Variants in SLC4A5 observed in about 807,000 individuals in gnomAD.
SLC4A5 encodes the protein electrogenic sodium bicarbonate cotransporter 4.
Under a neutral mutation model 120.4 loss-of-function variants are expected in SLC4A5, and 96 were observed. The observed-to-expected ratio is 0.80, with a 90% CI of 0.68 to 0.94. The LOEUF (loss-of-function observed/expected upper bound fraction) is 0.94. Ranked by LOEUF, SLC4A5 falls within the 40% of genes least tolerant of loss-of-function variation. SLC4A5 has a pLI of 0.00. For missense variants in SLC4A5, 1,259 were observed against 1,459.5 expected (o/e 0.86, Z 2.24); for synonymous variants, 550 against 571.1 (o/e 0.96, Z 0.53).
intron 19 of SLC4A5, among the ~76,000 whole-genome samples, chr2:74,245,636 AAAAG>A (rs1670586920): frequency 6.6e-6 from 1 of 152,228 alleles, no homozygotes; most frequent in South Asian, 2.1e-4. Context: ...ATGACAGAAA[AAAAG>A]AAAGAAAAAA....
chr2:74,250,481 C>A, exon 17 of SLC4A5: 1 of 1,614,232 alleles, frequency 6.2e-7, no homozygotes, highest in Non-Finnish European at 8.5e-7. Context: ...ACCAGGGCAA[C>A]TTCCTCTTGA....
intron 4 of SLC4A5, among the ~76,000 whole-genome samples, chr2:74,332,191 T>C (rs1295590523): frequency 1.3e-5 from 2 of 152,178 alleles, no homozygotes. Flanking sequence ...CAAGTCTCAT[T>C]CTCAAAGTCC....
intron 20 of SLC4A5, among the ~76,000 whole-genome samples, chr2:74,240,853 A>G (rs1178028166): frequency 2.0e-5 from 3 of 152,196 alleles, no homozygotes; most frequent in African/African-American, 7.2e-5. Flanking sequence ...TCAATTGCCT[A>G]GGCAGGAATA....
At chr2:74,296,769 G>A (rs566378152) in intron 7 of SLC4A5, among the ~76,000 whole-genome samples, 15 of 146,280 alleles carry the variant, frequency 1.0e-4, no homozygotes, top group Non-Finnish European at 1.5e-4. Flanking sequence ...CTTGGGTGAC[G>A]GAGCAAGACT....
At chr2:74,307,807 G>A (rs1306436162) in intron 6 of SLC4A5, 4 of 365,076 alleles carry the variant, frequency 1.1e-5, no homozygotes, top group Non-Finnish European at 1.9e-5. Flanking sequence ...CAGACCCCCA[G>A]CCATCCCCAT....
chr2:74,269,559 G>C (rs544968038), intron 8 of SLC4A5, among the ~76,000 whole-genome samples: 2 of 152,144 alleles, frequency 1.3e-5, no homozygotes, highest in Admixed American at 1.3e-4. Flanking sequence ...TTGAGAGGAT[G>C]CTCAACTTTT....
At chr2:74,316,622 G>A (rs1259410299) in intron 5 of SLC4A5, among the ~76,000 whole-genome samples, 1 of 152,170 alleles carries the variant, frequency 6.6e-6, no homozygotes, top group East Asian at 1.9e-4. Flanking sequence ...CCAGGCAAGG[G>A]TTAAGTTATA....
chr2:74,307,329 CT>C, intron 6 of SLC4A5: 1 of 575,668 alleles, frequency 1.7e-6, no homozygotes, highest in Non-Finnish European at 3.3e-6. Context: ...CAACCCAGAG[CT>C]GGTAATCTGG....
intron 28 of SLC4A5, among the ~76,000 whole-genome samples, chr2:74,223,789 C>A (rs779968979): frequency 2.6e-5 from 4 of 152,174 alleles, no homozygotes; most frequent in Admixed American, 6.5e-5. Context: ...CAAACACATG[C>A]ATTATGGGAC....
At chr2:74,338,529 A>G (rs934749954) in intron 3 of SLC4A5, among the ~76,000 whole-genome samples, 2 of 152,156 alleles carry the variant, frequency 1.3e-5, no homozygotes, top group African/African-American at 4.8e-5. Flanking sequence ...TTTAAAATGG[A>G]CATACCTGGC....
At chr2:74,231,633 C>T (rs1318924508) in intron 24 of SLC4A5, among the ~76,000 whole-genome samples, 1 of 152,196 alleles carries the variant, frequency 6.6e-6, no homozygotes, top group East Asian at 1.9e-4. Flanking sequence ...TGGGCAGGAG[C>T]CTGCCCATCT....
At chr2:74,296,635 A>T (rs1292987481) in intron 7 of SLC4A5, among the ~76,000 whole-genome samples, 2 of 150,386 alleles carry the variant, frequency 1.3e-5, no homozygotes, top group East Asian at 3.9e-4. Context: ...AAAAAAAAAA[A>T]AAAATTAGCT....
At chr2:74,326,373 A>G (rs970063732) in intron 5 of SLC4A5, among the ~76,000 whole-genome samples, 3 of 152,242 alleles carry the variant, frequency 2.0e-5, no homozygotes, top group African/African-American at 4.8e-5. Context: ...TCTTTAGATC[A>G]TAGATCGCCT....
chr2:74,297,176 G>T (rs918707198), intron 7 of SLC4A5, among the ~76,000 whole-genome samples: 3 of 151,072 alleles, frequency 2.0e-5, no homozygotes, highest in Non-Finnish European at 2.9e-5. Context: ...TCAAACAAAT[G>T]CCCACTTTAG....
intron 18 of SLC4A5, among the ~76,000 whole-genome samples, chr2:74,247,667 G>C (rs1055381117): frequency 6.6e-6 from 1 of 151,828 alleles, no homozygotes; most frequent in Non-Finnish European, 1.5e-5. Flanking sequence ...GGCACCCGCC[G>C]CCACGCCTGG....
chr2:74,317,209 C>T (rs1440558155), intron 5 of SLC4A5, among the ~76,000 whole-genome samples: 2 of 152,104 alleles, frequency 1.3e-5, no homozygotes, highest in African/African-American at 4.8e-5. Flanking sequence ...AGGCTGTAAC[C>T]CTTTACAAGA....
At chr2:74,294,226 C>T (rs1188625511) in intron 7 of SLC4A5, among the ~76,000 whole-genome samples, 1 of 152,136 alleles carries the variant, frequency 6.6e-6, no homozygotes, top group African/African-American at 2.4e-5. Flanking sequence ...GTTCCCTACG[C>T]CACTCTGGAC....
exon 18 of SLC4A5, chr2:74,248,382 G>C: frequency 6.2e-7 from 1 of 1,614,204 alleles, no homozygotes; most frequent in East Asian, 2.2e-5. Flanking sequence ...GCTTCTCAAA[G>C]ATGAGGATGG....
chr2:74,270,854 G>T (rs1244077399), intron 8 of SLC4A5, among the ~76,000 whole-genome samples: 1 of 152,202 alleles, frequency 6.6e-6, no homozygotes, highest in Non-Finnish European at 1.5e-5. Context: ...TCCCAACGCA[G>T]GCAAACGTAG....
Sources: gnomAD v4.1 joint callset for allele counts (sites outside exome capture counted in the v4.1 genomes callset) on GRCh38, gnomAD v4.1.1 for gene constraint, MANE v1.5 for transcripts, NCBI Gene and HGNC (gene_info 2026-07-23, HGNC 2026-07-21) for gene names.